ARHGAP32: variants seen among roughly 807,000 people sequenced by gnomAD.
ARHGAP32 encodes the protein Rho GTPase activating protein 32.
Under a neutral mutation model 186.5 loss-of-function variants are expected in ARHGAP32, and 51 were observed. The observed-to-expected ratio is 0.27, with a 90% CI of 0.22 to 0.35. The LOEUF (loss-of-function observed/expected upper bound fraction) is 0.35. Among genes scored for constraint, ARHGAP32 ranks in the 10% least tolerant of loss-of-function variants. The pLI, the probability that ARHGAP32 is intolerant of heterozygous loss-of-function variation, is 1.00. For synonymous variants in ARHGAP32, 950 were observed against 964.3 expected (o/e 0.99, Z 0.27); for missense variants, 2,186 against 2,623.5 (o/e 0.83, Z 3.64).
chr11:129,126,045 T>A (rs1352275089), intron 2 of ARHGAP32: 4 of 439,360 alleles, frequency 9.1e-6, no homozygotes, highest in Non-Finnish European at 1.4e-5. Flanking sequence ...TACTTCATAA[T>A]CCTAGGTATT....
At chr11:129,020,762 C>G (rs1938558307) in intron 11 of ARHGAP32, among the ~76,000 whole-genome samples, 2 of 152,006 alleles carry the variant, frequency 1.3e-5, no homozygotes, top group South Asian at 4.1e-4. Flanking sequence ...ATTCCCCACT[C>G]CTATCCCAAG....
intron 1 of ARHGAP32, among the ~76,000 whole-genome samples, chr11:129,217,107 T>C (rs550716189): frequency 6.6e-6 from 1 of 152,330 alleles, no homozygotes; most frequent in South Asian, 2.1e-4. Context: ...TTATTTTTTA[T>C]AGTTTTGACT....
At chr11:129,110,375 A>C (rs1203814299) in intron 5 of ARHGAP32, among the ~76,000 whole-genome samples, 4 of 152,142 alleles carry the variant, frequency 2.6e-5, no homozygotes, top group Non-Finnish European at 5.9e-5. Flanking sequence ...AGGTAGTGTG[A>C]TGTCTCCAGC....
chr11:129,094,423 G>A (rs970895410), intron 5 of ARHGAP32, among the ~76,000 whole-genome samples: 1 of 152,092 alleles, frequency 6.6e-6, no homozygotes, highest in Non-Finnish European at 1.5e-5. Flanking sequence ...TCTGCATACT[G>A]GATTTTAGTT....
rs145617325 is a variant in ARHGAP32 at position 129,128,358 on chromosome 11, T to C, written c.226-3464A>G. 2.6e-5 allele frequency among the ~76,000 whole-genome samples: 4 copies of C among 152,330 alleles called. No individual in the cohort carries two copies. The East Asian group carries it at 7.7e-4, about 29-fold the overall frequency. On this transcript the variant is annotated intron_variant, in intron 2 of 22. Coordinates refer to ENST00000682385, the MANE Select transcript of ARHGAP32 (RefSeq NM_001378024.1). ...AATGGAATAACATGTGTACATATTTTACTAGTATTTGACATCCACAATCCC... is the reference window on the plus strand; with the variant it reads ...AATGGAATAACATGTGTACATATTTCACTAGTATTTGACATCCACAATCCC...
upstream of ARHGAP32, among the ~76,000 whole-genome samples, chr11:129,195,062 C>CAG (rs561130307): frequency 0.012 from 1,859 of 152,034 alleles, 20 homozygotes; most frequent in Middle Eastern, 0.024. Flanking sequence ...CTCCACCTCC[C>CAG]AGTTCAGGCA....
Position 128,969,167 on chromosome 11 carries a change from T to A in ARHGAP32, c.6046A>T (p.Ser2016Cys). The A allele has an allele frequency of 1.2e-6, 2 of 1,613,342 alleles. No homozygotes were observed. Among genetic ancestry groups the A allele is most frequent in the South Asian group, 1.1e-5 (1 of 90,842 alleles). The change falls in exon 23 of 23, where the codon AGT (serine) becomes TGT (cysteine). Residue 2016 changes from serine to cysteine, a missense_variant. By Grantham distance (112) the Ser-to-Cys change is moderately radical (BLOSUM62 -1). This residue lies in a region of ARHGAP32 where 1,502 missense variants were observed against 1,570.0 expected (regional missense o/e 0.96). Coordinates refer to ENST00000682385, the MANE Select transcript of ARHGAP32 (RefSeq NM_001378024.1). This position sits in a 1 kb window ranked among gnomAD's most constrained non-coding sequence, Gnocchi z 4.8. ...TGTGGTTGGTACTGGTACAGCACAC[T>A]GGGGTCCCTCTCCACGTTCTGGGTA... is the stretch of plus-strand genomic sequence containing the variant. Reference protein sequence around the residue: ...HHTQNVERDPSVLYQYQPHGK... With the variant: ...HHTQNVERDPCVLYQYQPHGK...
chr11:129,196,478 G>C (rs1429014817), upstream of ARHGAP32, among the ~76,000 whole-genome samples: 1 of 152,096 alleles, frequency 6.6e-6, no homozygotes, highest in African/African-American at 2.4e-5. Flanking sequence ...GATGTGCATA[G>C]GTAATACGTA....
At position 128,973,386 on chromosome 11, in the gene ARHGAP32, T is replaced by G; in HGVS notation, c.3120A>C (p.Ser1040=). The change falls in exon 22 of 23, where the codon TCA becomes TCC. Residue 1040 remains serine, a synonymous_variant. Coordinates refer to ENST00000682385, the MANE Select transcript of ARHGAP32 (RefSeq NM_001378024.1). Reference sequence around the variant, plus strand: ...GCGGTGGTGGTGGGATAAGAGAGACTGAACTGACAGGAACGGAATCCTGAG... The same window carrying G: ...GCGGTGGTGGTGGGATAAGAGAGACGGAACTGACAGGAACGGAATCCTGAG... The part of the protein sequence containing the change: ...DPPQDSVPVS[S]VSLIPPPPPP... 6.2e-7 allele frequency: 1 copy of G among 1,613,906 alleles called. No individual in the cohort carries two copies. Among genetic ancestry groups the G allele is most frequent in the Non-Finnish European group, 8.5e-7 (1 of 1,179,996 alleles).
At chr11:129,001,708 T>C (rs1296732423) in intron 11 of ARHGAP32, among the ~76,000 whole-genome samples, 1 of 152,054 alleles carries the variant, frequency 6.6e-6, no homozygotes, top group African/African-American at 2.4e-5. Context: ...CCTGGAGATT[T>C]TTCCCATTTT....
Position 128,986,693 on chromosome 11 carries a change from C to T in ARHGAP32, c.1299-25G>A, listed in dbSNP as rs76979969. The stretch of plus-strand genomic sequence containing the variant: ...GCTGACGTAGACAGAAGAGGACAAG[C>T]AAATCATTTGATTGAGGAGAGCAAA... On this transcript the variant is annotated intron_variant, in intron 13 of 22. Coordinates refer to ENST00000682385, the MANE Select transcript of ARHGAP32 (RefSeq NM_001378024.1). 2.2e-3 allele frequency: 3,520 copies of T among 1,609,794 alleles called. 58 individuals carry two copies. In the African/African-American group the frequency reaches 0.04, roughly 18 times the overall value.
chr11:129,088,574 T>G (rs1941478477), intron 6 of ARHGAP32, among the ~76,000 whole-genome samples: 1 of 152,042 alleles, frequency 6.6e-6, no homozygotes, highest in Admixed American at 6.6e-5. Flanking sequence ...GCGAGACTCC[T>G]TCTCAATCAA....
rs982201867 is a variant in ARHGAP32, at chr11:128,966,200, C to T, written c.*2707G>A. The T allele has an allele frequency of 1.3e-5, 2 of 152,188 alleles. No individual in the cohort carries two copies. Among genetic ancestry groups the T allele is most frequent in the Non-Finnish European group, 2.9e-5 (2 of 68,048 alleles). 9.4% of individuals were successfully genotyped at this position (152,188 alleles called of 1,614,324 possible). A position where few individuals can be genotyped will look rare whatever the true frequency, so the allele number is the denominator to read the frequency against. ...TCTGGAGGCATGGCTATGAAAATGT[C>T]AATAGGATTAAATCACGGGTTTAAT... On this transcript the variant is annotated 3_prime_UTR_variant, in exon 23 of 23. Coordinates refer to ENST00000682385, the MANE Select transcript of ARHGAP32 (RefSeq NM_001378024.1).
At chr11:129,157,180 G>A (rs1385703060) in intron 2 of ARHGAP32, among the ~76,000 whole-genome samples, 1 of 152,032 alleles carries the variant, frequency 6.6e-6, no homozygotes, top group Non-Finnish European at 1.5e-5. Context: ...TCCTCCAAGG[G>A]ATCACAACTC....
intron 5 of ARHGAP32, among the ~76,000 whole-genome samples, chr11:129,097,788 A>G (rs1043892621): frequency 1.3e-5 from 2 of 152,176 alleles, no homozygotes; most frequent in African/African-American, 4.8e-5. Flanking sequence ...CAAATTTGAT[A>G]AAAGACATGA....
intron 5 of ARHGAP32, among the ~76,000 whole-genome samples, chr11:129,119,336 A>G (rs1322522856): frequency 6.6e-6 from 1 of 152,080 alleles, no homozygotes; most frequent in Non-Finnish European, 1.5e-5. Flanking sequence ...AACTGAATGT[A>G]CCAAATTGAG....
chr11:128,972,361 G>T, intron 22 of ARHGAP32, 92 bp downstream of exon 22: 3 of 1,387,586 alleles, frequency 2.2e-6, no homozygotes, highest in Non-Finnish European at 2.9e-6. Flanking sequence ...TAATTGTTGT[G>T]TCTGACTCAA....
chr11:129,148,562 G>A (rs1289747130), intron 2 of ARHGAP32, among the ~76,000 whole-genome samples: 2 of 152,240 alleles, frequency 1.3e-5, no homozygotes, highest in Admixed American at 1.3e-4. Flanking sequence ...TCACAGGACA[G>A]AGAAAGCTTC....
intron 1 of ARHGAP32, among the ~76,000 whole-genome samples, chr11:129,237,400 A>G (rs991117694): frequency 6.6e-6 from 1 of 152,206 alleles, no homozygotes; most frequent in African/African-American, 2.4e-5. Flanking sequence ...TCAGAAAACA[A>G]AATCTTTGCT....
Sources: gnomAD v4.1 joint callset for allele counts (sites outside exome capture counted in the v4.1 genomes callset) on GRCh38, gnomAD v4.1.1 for gene constraint, gnomAD v4.1.1 regional missense constraint, Gnocchi (gnomAD v3.1) non-coding constraint, MANE v1.5 for transcripts, NCBI Gene and HGNC (gene_info 2026-07-23, HGNC 2026-07-21) for gene names.